The following SUPT3H variants were observed in gnomAD, a reference collection of about 807,000 sequenced individuals.
SUPT3H encodes SPT3 homolog, SAGA and STAGA complex component.
In SUPT3H, 44 loss-of-function variants were observed where a neutral mutation model predicts 44.3. The ratio of observed to expected loss-of-function variants is 0.99; its 90% CI spans 0.78 to 1.28. The LOEUF (loss-of-function observed/expected upper bound fraction) is 1.28, where lower values mean the gene tolerates loss of function less well. Among genes scored for constraint, SUPT3H ranks in the 50% most tolerant of loss-of-function variants. The pLI is 0.00. For missense variants in SUPT3H, 380 were observed against 387.1 expected, an observed-to-expected ratio of 0.98 and a Z score of 0.15; for synonymous variants, 124 against 125.6, an observed-to-expected ratio of 0.99 and a Z score of 0.09.
chr6:45,124,937 G>C (rs1802211622), intron 2 of SUPT3H, among the ~76,000 whole-genome samples: 1 of 152,116 alleles, frequency 6.6e-6, no homozygotes, highest in Non-Finnish European at 1.5e-5. Context: ...GACACACACA[G>C]AGGGAAGGCA....
intron 2 of SUPT3H, among the ~76,000 whole-genome samples, chr6:45,240,447 T>C (rs1025960816): frequency 4.6e-5 from 7 of 152,232 alleles, no homozygotes; most frequent in African/African-American, 1.4e-4. Context: ...ATGACACATA[T>C]ACACATGCTT....
chr6:45,285,473 T>C (rs1584705046), intron 2 of SUPT3H, among the ~76,000 whole-genome samples: 1 of 152,092 alleles, frequency 6.6e-6, no homozygotes, highest in Admixed American at 6.5e-5. Flanking sequence ...AGCCAAATCG[T>C]GAGTGAACTC....
At chr6:45,019,756 T>C (rs1451001659) in intron 4 of SUPT3H, among the ~76,000 whole-genome samples, 1 of 151,992 alleles carries the variant, frequency 6.6e-6, no homozygotes, top group Non-Finnish European at 1.5e-5. Context: ...CTACAGTCTC[T>C]CCATCTAATC....
intron 6 of SUPT3H, among the ~76,000 whole-genome samples, chr6:44,975,350 A>G (rs1582851052): frequency 6.6e-6 from 1 of 152,356 alleles, no homozygotes; most frequent in East Asian, 1.9e-4. Flanking sequence ...TCAACCAACA[A>G]CTGAATAAAG....
intron 2 of SUPT3H, among the ~76,000 whole-genome samples, chr6:45,305,054 C>T (rs773620306): frequency 8.5e-5 from 13 of 152,092 alleles, no homozygotes; most frequent in Non-Finnish European, 1.3e-4. Context: ...TTTGCTTATT[C>T]GTTTGCTTTT....
intron 2 of SUPT3H, among the ~76,000 whole-genome samples, chr6:45,325,632 T>C (rs370381242): frequency 7.2e-4 from 108 of 150,298 alleles, no homozygotes; most frequent in African/African-American, 2.6e-3. Context: ...ATTTTATGGG[T>C]CTTTAAAAAG....
At chr6:45,215,644 C>A (rs1412375632) in intron 2 of SUPT3H, among the ~76,000 whole-genome samples, 1 of 150,952 alleles carries the variant, frequency 6.6e-6, no homozygotes, top group South Asian at 2.1e-4. Flanking sequence ...TCTAGTCAGA[C>A]AAAAAAGAAA....
chr6:45,261,645 G>A (rs1456233531), intron 2 of SUPT3H, among the ~76,000 whole-genome samples: 1 of 152,106 alleles, frequency 6.6e-6, no homozygotes, highest in Non-Finnish European at 1.5e-5. Flanking sequence ...AAAGCTGGAA[G>A]CATTCTCCTT....
At chr6:45,290,954 C>T (rs997566885) in intron 2 of SUPT3H, among the ~76,000 whole-genome samples, 4 of 152,164 alleles carry the variant, frequency 2.6e-5, no homozygotes, top group African/African-American at 9.7e-5. Context: ...CATGTGGAGG[C>T]TCGCATCATG....
intron 2 of SUPT3H, among the ~76,000 whole-genome samples, chr6:45,352,481 G>T (rs182667499): frequency 3.2e-4 from 49 of 150,842 alleles, no homozygotes; most frequent in African/African-American, 1.1e-3. Context: ...CTGGAGTCTG[G>T]TATGACAGCA....
At chr6:45,184,661 T>C (rs1420456552) in intron 2 of SUPT3H, among the ~76,000 whole-genome samples, 3 of 151,552 alleles carry the variant, frequency 2.0e-5, no homozygotes, top group African/African-American at 7.3e-5. Flanking sequence ...CCTAGGGACG[T>C]CACTATTTGA....
At chr6:45,336,541 T>G (rs1788583277) in intron 2 of SUPT3H, among the ~76,000 whole-genome samples, 1 of 151,478 alleles carries the variant, frequency 6.6e-6, no homozygotes, top group Non-Finnish European at 1.5e-5. Context: ...TTAAATATTT[T>G]TTAAAACATC....
chr6:45,083,171 A>G (rs1367739990), intron 3 of SUPT3H, among the ~76,000 whole-genome samples: 1 of 432 alleles, frequency 2.3e-3, no homozygotes, highest in Non-Finnish European at 3.9e-3. Context: ...AAGAATCATT[A>G]TTATTATTAT....
At position 45,121,557 on chromosome 6, in the gene SUPT3H, T is replaced by C. The variant is rs957978734; in HGVS notation, c.102-15551A>G. Among the ~76,000 whole-genome samples, 5 of 152,046 alleles carry C rather than the reference T, an allele frequency of 3.3e-5. No individual in the cohort carries two copies. In the Middle Eastern group the frequency reaches 0.017, roughly 517 times the overall value. ...GATTATCTAAGTATATCTTTCACAGTTGAATGACTCAAAACAATATTTAAC... is the reference window on the plus strand; with the variant it reads ...GATTATCTAAGTATATCTTTCACAGCTGAATGACTCAAAACAATATTTAAC... On this transcript the variant is annotated intron_variant, in intron 2 of 10. Transcript: ENST00000371459.
intron 2 of SUPT3H, among the ~76,000 whole-genome samples, chr6:45,300,418 A>G (rs1260199170): frequency 6.6e-6 from 1 of 152,220 alleles, no homozygotes; most frequent in Non-Finnish European, 1.5e-5. Context: ...AAAATTGGAA[A>G]ATAACAAGCA....
intron 3 of SUPT3H, among the ~76,000 whole-genome samples, chr6:45,071,468 G>C (rs560198979): frequency 1.3e-5 from 2 of 152,034 alleles, no homozygotes; most frequent in Non-Finnish European, 2.9e-5. Flanking sequence ...TGGAGTCAAG[G>C]AGAAAGAGTC....
intron 2 of SUPT3H, among the ~76,000 whole-genome samples, chr6:45,106,710 A>T (rs1183767997): frequency 2.0e-5 from 3 of 151,856 alleles, no homozygotes; most frequent in Non-Finnish European, 4.4e-5. Context: ...CTAATTTTTT[A>T]TTTTTAGTAG....
intron 1 of SUPT3H, 41 bp from the exon 2 acceptor site, chr6:45,365,342 G>T: frequency 2.3e-6 from 3 of 1,321,526 alleles, no homozygotes; most frequent in Non-Finnish European, 3.2e-6. Context: ...AATGTACCTA[G>T]CTATAAGTAA....
At chr6:45,258,842 T>A (rs1218766121) in intron 2 of SUPT3H, among the ~76,000 whole-genome samples, 1 of 152,168 alleles carries the variant, frequency 6.6e-6, no homozygotes, top group Non-Finnish European at 1.5e-5. Context: ...AAAACATGAT[T>A]TTAAGTTACA....
Sources: gnomAD v4.1 joint callset for allele counts (sites outside exome capture counted in the v4.1 genomes callset) on GRCh38, gnomAD v4.1.1 for gene constraint, MANE v1.5 for transcripts, NCBI Gene and HGNC (gene_info 2026-07-23, HGNC 2026-07-21) for gene names.